DESI2: variants seen among roughly 807,000 people sequenced by gnomAD.
DESI2 encodes desumoylating isopeptidase 2, also known as deubiquitinase DESI2.
Under a neutral mutation model 24.1 loss-of-function variants are expected in DESI2, and 10 were observed. The observed-to-expected ratio is 0.41, with a 90% CI of 0.26 to 0.70. The LOEUF is 0.70. Among genes scored for constraint, DESI2 ranks in the 30% least tolerant of loss-of-function variants. The pLI is 0.29. For synonymous variants in DESI2, 71 were observed against 87.7 expected (o/e 0.81, Z 1.06); for missense variants, 122 against 234.9 (o/e 0.52, Z 3.14).
At chr1:244,679,950 T>C (rs1676549457) in intron 1 of DESI2, among the ~76,000 whole-genome samples, 2 of 150,326 alleles carry the variant, frequency 1.3e-5, no homozygotes, top group South Asian at 4.2e-4. Context: ...TTTTAATTGA[T>C]GTAGTATTAT....
At chr1:244,685,084 C>T (rs1307405601) in intron 1 of DESI2, among the ~76,000 whole-genome samples, 1 of 152,144 alleles carries the variant, frequency 6.6e-6, no homozygotes, top group African/African-American at 2.4e-5. Flanking sequence ...GTTATATCCA[C>T]ACAGATTCTC....
At chr1:244,702,129 G>A (rs985590214) in intron 4 of DESI2, among the ~76,000 whole-genome samples, 1 of 152,180 alleles carries the variant, frequency 6.6e-6, no homozygotes, top group Non-Finnish European at 1.5e-5. Context: ...GATGTGTCAT[G>A]GTTACCTCGC....
intron 4 of DESI2, among the ~76,000 whole-genome samples, chr1:244,702,902 ATAGTCT>A (rs1187140420): frequency 2.0e-5 from 3 of 152,274 alleles, no homozygotes; most frequent in South Asian, 2.1e-4. Context: ...CATTAACTAA[ATAGTCT>A]TAGTCATGAC....
intron 4 of DESI2, among the ~76,000 whole-genome samples, chr1:244,705,250 G>A (rs990116451): frequency 1.3e-5 from 2 of 152,180 alleles, no homozygotes; most frequent in Non-Finnish European, 1.5e-5. Context: ...GTACTTTTCA[G>A]TGTGTCTCAC....
In DESI2 at chr1:244,689,405, C is replaced by G; in HGVS notation, c.209+63C>G. Reference sequence around the variant, plus strand: ...GTGCCATAGCTTGTTTTCAGGTATACAGAATTCATTCTGTAAATCAAAACA... The same window carrying G: ...GTGCCATAGCTTGTTTTCAGGTATAGAGAATTCATTCTGTAAATCAAAACA... On this transcript the variant is annotated intron_variant, in intron 3 of 4. Coordinates refer to ENST00000302550, the MANE Select transcript of DESI2 (RefSeq NM_016076.5). This position sits in a 1 kb window ranked among gnomAD's most constrained non-coding sequence, Gnocchi z 4.0. 1 of 770,146 alleles carries G rather than the reference C, an allele frequency of 1.3e-6. No individual in the cohort carries two copies. 47.7% of individuals were successfully genotyped at this position (770,146 alleles called of 1,614,324 possible). A position where few individuals can be genotyped will look rare whatever the true frequency, so the allele number is the denominator to read the frequency against.
At chr1:244,702,119 G>C (rs1677487779) in intron 4 of DESI2, among the ~76,000 whole-genome samples, 1 of 152,216 alleles carries the variant, frequency 6.6e-6, no homozygotes, top group South Asian at 2.1e-4. Context: ...ATGTAACTAA[G>C]ATGTGTCATG....
Position 244,708,906 on chromosome 1 carries a change from T to A in DESI2, c.*3117T>A, listed in dbSNP as rs2148824330. 1 of 152,788 alleles carries A rather than the reference T, an allele frequency of 6.5e-6. No homozygotes were observed. The highest frequency in any genetic ancestry group is 1.9e-4 in the East Asian group (1 of 5,190). The allele number at this position is 152,788 out of a possible 1,614,324, so 9.5% of individuals were successfully genotyped here. A position where few individuals can be genotyped will look rare whatever the true frequency, so the allele number is the denominator to read the frequency against. On this transcript the variant is annotated 3_prime_UTR_variant, in exon 5 of 5. Coordinates refer to ENST00000302550, the MANE Select transcript of DESI2 (RefSeq NM_016076.5). ...TTTCTTGTGAAGTTGAATGCAAGTG[T>A]ACTGTCATTCATAGTGTTTATATCA...
rs1256757347 is a variant in DESI2, at chr1:244,705,563, G to C, written c.359G>C (p.Cys120Ser). 6.2e-7 allele frequency: 1 copy of C among 1,613,654 alleles called. No homozygotes were observed. The highest frequency in any genetic ancestry group is 8.5e-7 in the Non-Finnish European group (1 of 1,179,618). Residue 120 changes from cysteine (C) to serine (S), a missense_variant, in exon 5 of 5, where the codon TGT becomes TCT. Coordinates refer to ENST00000302550, the MANE Select transcript of DESI2 (RefSeq NM_016076.5). ...HFSSALSEIL[C>S]GKEIPRWINR... Reference sequence around the variant, plus strand: ...ACTCTTTCTCTTCTGTAGATTCTTTGTGGGAAAGAGATTCCTCGCTGGATC... The same window carrying C: ...ACTCTTTCTCTTCTGTAGATTCTTTCTGGGAAAGAGATTCCTCGCTGGATC...
At chr1:244,684,638 T>A (rs1293596732) in intron 1 of DESI2, among the ~76,000 whole-genome samples, 1 of 152,216 alleles carries the variant, frequency 6.6e-6, no homozygotes, top group Non-Finnish European at 1.5e-5. Flanking sequence ...TCAACCTTAT[T>A]CTTTTTTTGA....
chr1:244,696,304 C>A (rs1057113405), intron 4 of DESI2, among the ~76,000 whole-genome samples: 8 of 152,192 alleles, frequency 5.3e-5, no homozygotes, highest in African/African-American at 1.9e-4. Flanking sequence ...TACAGCTGGT[C>A]ACCCTGAGAT....
rs1032470723 is a variant in DESI2, at chr1:244,653,146, C to G, written c.-168C>G. 3.4e-6 allele frequency: 2 copies of G among 589,976 alleles called. No individual in the cohort carries two copies. The highest frequency in any genetic ancestry group is 5.1e-6 in the Non-Finnish European group (2 of 393,458). 36.5% of individuals were successfully genotyped at this position (589,976 alleles called of 1,614,324 possible). Reference sequence around the variant, plus strand: ...CGCACAGACGCTCCTGTCGGCGGCGCCCGGGAGCGGCTCGGCTGCCCGATG... The same window carrying G: ...CGCACAGACGCTCCTGTCGGCGGCGGCCGGGAGCGGCTCGGCTGCCCGATG... On this transcript the variant is annotated 5_prime_UTR_variant, in exon 1 of 5. Transcript: ENST00000302550.
chr1:244,701,692 C>T (rs1342316388), intron 4 of DESI2, among the ~76,000 whole-genome samples: 1 of 152,160 alleles, frequency 6.6e-6, no homozygotes, highest in East Asian at 1.9e-4. Context: ...TTATTCTCTG[C>T]CTGTTCCACT....
At chr1:244,661,816 A>G (rs1260549851) in intron 1 of DESI2, among the ~76,000 whole-genome samples, 9 of 152,172 alleles carry the variant, frequency 5.9e-5, no homozygotes, top group Non-Finnish European at 1.2e-4. Context: ...TCATTGATGG[A>G]CATTTGGGTT....
intron 1 of DESI2, among the ~76,000 whole-genome samples, chr1:244,670,896 T>C (rs1193606474): frequency 2.0e-5 from 3 of 152,254 alleles, no homozygotes; most frequent in Admixed American, 1.3e-4. Flanking sequence ...GGATAATCTT[T>C]TTTAAATTCA....
At chr1:244,686,310 T>C (rs935638698) in intron 1 of DESI2, among the ~76,000 whole-genome samples, 2 of 151,946 alleles carry the variant, frequency 1.3e-5, no homozygotes, top group Non-Finnish European at 2.9e-5. Flanking sequence ...AGAGCTCTTA[T>C]ATAATCTCTC....
intron 1 of DESI2, among the ~76,000 whole-genome samples, chr1:244,683,257 G>A (rs1305330213): frequency 6.6e-6 from 1 of 152,108 alleles, no homozygotes; most frequent in Non-Finnish European, 1.5e-5. Context: ...TTACAAGTAC[G>A]TGTACACATG....
At chr1:244,663,473 G>A (rs1384524699) in intron 1 of DESI2, among the ~76,000 whole-genome samples, 1 of 151,940 alleles carries the variant, frequency 6.6e-6, no homozygotes, top group East Asian at 1.9e-4. Flanking sequence ...ACCGCACCTG[G>A]CTGCAAATTT....
intron 1 of DESI2, among the ~76,000 whole-genome samples, chr1:244,676,012 AT>A (rs1450656370): frequency 1.3e-5 from 2 of 151,998 alleles, no homozygotes; most frequent in African/African-American, 4.8e-5. Context: ...TTTATTTTTT[AT>A]GTAACTGTAA....
chr1:244,666,247 G>C (rs1251431537), intron 1 of DESI2, among the ~76,000 whole-genome samples: 1 of 152,122 alleles, frequency 6.6e-6, no homozygotes, highest in African/African-American at 2.4e-5. Flanking sequence ...ACCATATGTA[G>C]TCTGCGTTCT....
Sources: gnomAD v4.1 joint callset for allele counts (sites outside exome capture counted in the v4.1 genomes callset) on GRCh38, gnomAD v4.1.1 for gene constraint, Gnocchi (gnomAD v3.1) non-coding constraint, MANE v1.5 for transcripts, NCBI Gene and HGNC (gene_info 2026-07-23, HGNC 2026-07-21) for gene names.